Variants in LYPD6B observed in about 807,000 individuals in gnomAD.
The protein encoded by LYPD6B is ly6/PLAUR domain-containing protein 6B.
Under a neutral mutation model 22.8 loss-of-function variants are expected in LYPD6B, and 17 were observed. That is an observed-to-expected ratio of 0.75 (90% CI 0.51 to 1.12). The LOEUF (loss-of-function observed/expected upper bound fraction) is 1.12, where lower values mean the gene tolerates loss of function less well. LYPD6B is among the 50% of genes most tolerant of loss of function. LYPD6B has a pLI of 0.00. For missense variants in LYPD6B, 221 were observed against 258.3 expected (o/e 0.86, Z 0.99); for synonymous variants, 106 against 91.6 (o/e 1.16, Z -0.90).
chr2:149,149,830 T>C (rs432399), intron 2 of LYPD6B, among the ~76,000 whole-genome samples: 98,841 of 152,052 alleles, frequency 0.65, 32,290 homozygotes, highest in South Asian at 0.76. Context: ...CTAAAGGGCA[T>C]ATAATAGAAG....
chr2:149,166,888 A>G lies in LYPD6B; in HGVS notation c.77+6053A>G, dbSNP rs1690462205. On this transcript the variant is annotated intron_variant, in intron 3 of 6. Transcript: ENST00000409642. ...AGCTGCAGACTGCCCCGCCCCTTCCATCATTGCTCACCTTCCCACACCAAA... is the reference window on the plus strand; with the variant it reads ...AGCTGCAGACTGCCCCGCCCCTTCCGTCATTGCTCACCTTCCCACACCAAA... Among the ~76,000 whole-genome samples, 3 of 152,006 alleles carry G rather than the reference A, an allele frequency of 2.0e-5. No individual in the cohort carries two copies. In the South Asian group the frequency reaches 6.2e-4, roughly 31 times the overall value.
At chr2:149,120,357 G>T (rs1311391716) in intron 1 of LYPD6B, among the ~76,000 whole-genome samples, 1 of 61,162 alleles carries the variant, frequency 1.6e-5, no homozygotes, top group South Asian at 5.8e-4. Context: ...ATATGTGTGT[G>T]TGTGTATATA....
intron 3 of LYPD6B, among the ~76,000 whole-genome samples, chr2:149,196,114 G>A (rs1692793551): frequency 6.6e-6 from 1 of 152,082 alleles, no homozygotes; most frequent in Admixed American, 6.5e-5. Flanking sequence ...AGTTTCCAGG[G>A]AATATGAAAT....
intron 1 of LYPD6B, among the ~76,000 whole-genome samples, chr2:149,090,415 C>G (rs1685597267): frequency 6.6e-6 from 1 of 152,090 alleles, no homozygotes; most frequent in Non-Finnish European, 1.5e-5. Flanking sequence ...ACAATTGAAT[C>G]AGCTTTTCTG....
intron 1 of LYPD6B, among the ~76,000 whole-genome samples, chr2:149,123,931 A>C (rs937696161): frequency 1.3e-5 from 2 of 152,208 alleles, no homozygotes; most frequent in African/African-American, 2.4e-5. Context: ...GAATTCGTGA[A>C]GTTTTGGATG....
Position 149,160,747 on chromosome 2 carries a change from T to A in LYPD6B, c.6-17T>A. 6.5e-7 allele frequency: 1 copy of A among 1,545,030 alleles called. No homozygotes were observed. Among genetic ancestry groups the A allele is most frequent in the Non-Finnish European group, 8.8e-7 (1 of 1,140,686 alleles). ...GTCAGCAGTGGCTCTTTCCTTATCT[T>A]TTTTTATCTCTGGTAGGCTGATTAC... On this transcript the variant is annotated splice_polypyrimidine_tract_variant and intron_variant, in intron 2 of 6. Coordinates refer to ENST00000409642, the MANE Select transcript of LYPD6B (RefSeq NM_177964.5).
At chr2:149,087,330 C>A (rs1685447104) in intron 1 of LYPD6B, among the ~76,000 whole-genome samples, 1 of 152,068 alleles carries the variant, frequency 6.6e-6, no homozygotes. Context: ...GAAAAAAATA[C>A]CTCATGCTCT....
At chr2:149,184,186 C>CA (rs11353542) in intron 3 of LYPD6B, among the ~76,000 whole-genome samples, 12 of 147,318 alleles carry the variant, frequency 8.1e-5, no homozygotes, top group African/African-American at 2.5e-4. Flanking sequence ...AACTCCATCT[C>CA]AAAAAAAAAA....
chr2:149,126,803 T>C (rs953469687), intron 1 of LYPD6B, among the ~76,000 whole-genome samples: 4 of 152,144 alleles, frequency 2.6e-5, no homozygotes, highest in Non-Finnish European at 5.9e-5. Context: ...TCTCCTCCAT[T>C]CTCTATTCTC....
At chr2:149,069,150 A>G (rs1028958996) in intron 1 of LYPD6B, among the ~76,000 whole-genome samples, 4 of 150,478 alleles carry the variant, frequency 2.7e-5, no homozygotes, top group African/African-American at 9.8e-5. Context: ...ACTCAGCCAC[A>G]GGAATTTGTC....
chr2:149,060,701 C>T (rs966995770), intron 1 of LYPD6B, among the ~76,000 whole-genome samples: 2 of 152,098 alleles, frequency 1.3e-5, no homozygotes, highest in Non-Finnish European at 2.9e-5. Context: ...TTGCAATCCT[C>T]TTAAGGTCTA....
intron 1 of LYPD6B, among the ~76,000 whole-genome samples, chr2:149,041,098 CAAAA>C (rs552623435): frequency 5.4e-5 from 6 of 110,782 alleles, no homozygotes; most frequent in Admixed American, 8.6e-5. Flanking sequence ...GACTCCGTCT[CAAAA>C]AAAAAAAAAA....
At chr2:149,179,105 GCTGGC>G (rs1417879491) in intron 3 of LYPD6B, among the ~76,000 whole-genome samples, 2 of 152,164 alleles carry the variant, frequency 1.3e-5, no homozygotes, top group Non-Finnish European at 2.9e-5. Flanking sequence ...GTGCATGCTG[GCTGGC>G]CTGCTCCCAC....
chr2:149,081,550 T>G (rs1190898673), intron 1 of LYPD6B, among the ~76,000 whole-genome samples: 1 of 152,178 alleles, frequency 6.6e-6, no homozygotes, highest in Non-Finnish European at 1.5e-5. Context: ...TACAACCCCA[T>G]TGCCTGTAGG....
chr2:149,038,941 T>TCGCGGGGCCGCGGGGC (rs546636630), intron 1 of LYPD6B, 140 bp downstream of exon 1: 7 of 148,082 alleles, frequency 4.7e-5, no homozygotes, highest in African/African-American at 1.7e-4. Context: ...AGCCAGGAGC[T>TCGCGGGGCCGCGGGGC]CGCGGGGCCG....
chr2:149,087,528 C>A (rs150661514), intron 1 of LYPD6B, among the ~76,000 whole-genome samples: 1 of 152,102 alleles, frequency 6.6e-6, no homozygotes, highest in East Asian at 1.9e-4. Context: ...ATTATGTCGC[C>A]GCACTCTAGC....
intron 3 of LYPD6B, among the ~76,000 whole-genome samples, chr2:149,178,542 G>A (rs1202817476): frequency 6.6e-6 from 1 of 152,200 alleles, no homozygotes; most frequent in Non-Finnish European, 1.5e-5. Flanking sequence ...ACAGAGCAGA[G>A]CCTGTCAAAG....
intron 1 of LYPD6B, among the ~76,000 whole-genome samples, chr2:149,076,852 A>C (rs1684901063): frequency 6.6e-6 from 1 of 152,168 alleles, no homozygotes. Context: ...GGTTGTTATG[A>C]ATGTTTTAAA....
chr2:149,181,220 C>G (rs1038643607), intron 3 of LYPD6B, among the ~76,000 whole-genome samples: 1 of 152,100 alleles, frequency 6.6e-6, no homozygotes, highest in African/African-American at 2.4e-5. Context: ...TTCAGGAAGT[C>G]ACATTAAATG....
Sources: gnomAD v4.1 joint callset for allele counts (sites outside exome capture counted in the v4.1 genomes callset) on GRCh38, gnomAD v4.1.1 for gene constraint, MANE v1.5 for transcripts, NCBI Gene and HGNC (gene_info 2026-07-23, HGNC 2026-07-21) for gene names.